The following CENPP variants were observed in gnomAD, a reference collection of about 807,000 sequenced individuals.
CENPP encodes the protein centromere protein P.
In CENPP, 24 loss-of-function variants were observed where a neutral mutation model predicts 35.6. That is an observed-to-expected ratio of 0.67 (90% CI 0.49 to 0.95). The LOEUF (loss-of-function observed/expected upper bound fraction) is 0.95. CENPP is among the 40% of genes least tolerant of loss of function. CENPP has a pLI of 0.00. For synonymous variants in CENPP, 120 were observed against 125.5 expected, an observed-to-expected ratio of 0.96 and a Z score of 0.29; for missense variants, 332 against 345.3, an observed-to-expected ratio of 0.96 and a Z score of 0.31.
chr9:92,503,705 G>A (rs1004845033), intron 5 of CENPP, among the ~76,000 whole-genome samples: 10 of 152,202 alleles, frequency 6.6e-5, no homozygotes, highest in Non-Finnish European at 1.2e-4. Flanking sequence ...TATTCCACCT[G>A]TGAGAATTTC....
chr9:92,544,554 T>A (rs1385603438), intron 5 of CENPP, among the ~76,000 whole-genome samples: 1 of 150,306 alleles, frequency 6.7e-6, no homozygotes, highest in Non-Finnish European at 1.5e-5. Context: ...TTTTTTTTTT[T>A]ATCATGAGAG....
chr9:92,442,222 A>T (rs1188742423), intron 5 of CENPP, among the ~76,000 whole-genome samples: 1 of 151,868 alleles, frequency 6.6e-6, no homozygotes, highest in Non-Finnish European at 1.5e-5. Flanking sequence ...ACATGGAGAA[A>T]CCCCGTCTCT....
chr9:92,567,377 T>TAG (rs1850007480), intron 5 of CENPP, among the ~76,000 whole-genome samples: 1 of 87,542 alleles, frequency 1.1e-5, no homozygotes, highest in Admixed American at 1.1e-4. Flanking sequence ...AAGATAGATA[T>TAG]ATATATATAT....
intron 5 of CENPP, among the ~76,000 whole-genome samples, chr9:92,589,942 T>C (rs1850629721): frequency 6.6e-6 from 1 of 152,190 alleles, no homozygotes; most frequent in Non-Finnish European, 1.5e-5. Context: ...AAATATTGTA[T>C]TCATCTGAAA....
At chr9:92,445,715 C>T (rs1443937368) in intron 5 of CENPP, among the ~76,000 whole-genome samples, 1 of 152,062 alleles carries the variant, frequency 6.6e-6, no homozygotes, top group East Asian at 1.9e-4. Flanking sequence ...AAAACCCTGT[C>T]TCTACTAAAA....
chr9:92,543,201 G>A (rs1257400708), intron 5 of CENPP, among the ~76,000 whole-genome samples: 2 of 152,092 alleles, frequency 1.3e-5, no homozygotes, highest in African/African-American at 2.4e-5. Context: ...TGCCAGCCTC[G>A]TGGCTCACAC....
At chr9:92,605,357 C>CT (rs1851047604) in intron 5 of CENPP, among the ~76,000 whole-genome samples, 1 of 149,428 alleles carries the variant, frequency 6.7e-6, no homozygotes, top group Admixed American at 7.0e-5. Context: ...CATTGAAATT[C>CT]ATTTTTTTTT....
intron 1 of CENPP, among the ~76,000 whole-genome samples, chr9:92,331,602 T>C (rs1840748900): frequency 6.6e-6 from 1 of 152,278 alleles, no homozygotes; most frequent in South Asian, 2.1e-4. Context: ...ATAATTTATT[T>C]GAAAGGTGTT....
Position 92,613,360 on chromosome 9 carries a change from A to C in CENPP, c.*211A>C. The C allele has an allele frequency of 1.9e-6, 1 of 525,694 alleles. No individual in the cohort carries two copies. Among genetic ancestry groups the C allele is most frequent in the Non-Finnish European group, 3.4e-6 (1 of 296,762 alleles). The allele number at this position is 525,694 out of a possible 1,614,324, so 32.6% of individuals were successfully genotyped here. A position where few individuals can be genotyped will look rare whatever the true frequency, so the allele number is the denominator to read the frequency against. On this transcript the variant is annotated 3_prime_UTR_variant, in exon 8 of 8. Coordinates refer to ENST00000375587, the MANE Select transcript of CENPP (RefSeq NM_001012267.3). ...ATGCCAAATAAAAGTGACACGTACA[A>C]TGTGGTTTATAAAAATAAGCTTAAC...
chr9:92,604,014 T>C (rs1271688795), intron 5 of CENPP, among the ~76,000 whole-genome samples: 1 of 152,232 alleles, frequency 6.6e-6, no homozygotes, highest in Non-Finnish European at 1.5e-5. Flanking sequence ...TTGGCGCTCT[T>C]ACTAATGATC....
intron 5 of CENPP, among the ~76,000 whole-genome samples, chr9:92,435,167 T>C (rs1255818961): frequency 1.3e-5 from 2 of 152,230 alleles, no homozygotes; most frequent in Non-Finnish European, 2.9e-5. Flanking sequence ...TGGTCATCTT[T>C]TTCAAGATTC....
At chr9:92,473,181 TG>T (rs1001319110) in intron 5 of CENPP, among the ~76,000 whole-genome samples, 2 of 152,192 alleles carry the variant, frequency 1.3e-5, no homozygotes, top group Non-Finnish European at 2.9e-5. Flanking sequence ...CTCAAGTCTT[TG>T]GTGACAAGTG....
rs1851397430 is a variant in CENPP at position 92,615,269 on chromosome 9, T to C, written c.*2120T>C. The stretch of plus-strand genomic sequence containing the variant: ...AGCACCTCCACAGGGACCCTGAGTC[T>C]ACACTGCTCAGAATCGGCATCTGCG... On this transcript the variant is annotated 3_prime_UTR_variant, in exon 8 of 8. Coordinates refer to ENST00000375587, the MANE Select transcript of CENPP (RefSeq NM_001012267.3). The C allele has an allele frequency of 6.3e-6, 1 of 158,318 alleles. No individual in the cohort carries two copies. Among genetic ancestry groups the C allele is most frequent in the Non-Finnish European group, 1.4e-5 (1 of 72,074 alleles). The allele number at this position is 158,318 out of a possible 1,614,324, so 9.8% of individuals were successfully genotyped here. A position where few individuals can be genotyped will look rare whatever the true frequency, so the allele number is the denominator to read the frequency against.
chr9:92,412,972 A>G (rs1197698599), intron 5 of CENPP, among the ~76,000 whole-genome samples: 2 of 136,942 alleles, frequency 1.5e-5, no homozygotes, highest in Non-Finnish European at 3.1e-5. Flanking sequence ...ATATGTAACT[A>G]AGCTTTTTTT....
intron 2 of CENPP, among the ~76,000 whole-genome samples, chr9:92,333,357 TGAAAG>T (rs1840816773): frequency 6.6e-6 from 1 of 152,146 alleles, no homozygotes; most frequent in Non-Finnish European, 1.5e-5. Context: ...TTAAATTACT[TGAAAG>T]GAAGAGATGG....
chr9:92,618,006 G>A lies in CENPP; in HGVS notation c.*4857G>A. 1 of 346,860 alleles carries A rather than the reference G, an allele frequency of 2.9e-6. No homozygotes were observed. Among genetic ancestry groups the A allele is most frequent in the South Asian group, 2.2e-5 (1 of 45,330 alleles). The allele number at this position is 346,860 out of a possible 1,614,324, so 21.5% of individuals were successfully genotyped here. A position where few individuals can be genotyped will look rare whatever the true frequency, so the allele number is the denominator to read the frequency against. ...GTCTAGGGATCTAAATTTAGTCTCA[G>A]GTCTACCAGGTATCTCAAGACGCCA... On this transcript the variant is annotated 3_prime_UTR_variant, in exon 8 of 8. Coordinates refer to ENST00000375587, the MANE Select transcript of CENPP (RefSeq NM_001012267.3).
intron 5 of CENPP, chr9:92,474,599 A>G: frequency 1.3e-6 from 2 of 1,591,188 alleles, no homozygotes; most frequent in Middle Eastern, 1.7e-4. Flanking sequence ...CTATTCTTCA[A>G]AACAAAATCG....
chr9:92,339,539 C>T (rs902340866), intron 3 of CENPP: 2 of 152,214 alleles, frequency 1.3e-5, no homozygotes, highest in African/African-American at 4.8e-5. Context: ...GAGTATCACT[C>T]TCACACTGCC....
At chr9:92,532,022 T>TTTG (rs1248500410) in intron 5 of CENPP, among the ~76,000 whole-genome samples, 2 of 127,956 alleles carry the variant, frequency 1.6e-5, no homozygotes, top group African/African-American at 7.2e-5. Flanking sequence ...AATGTTTTTT[T>TTTG]TTTTTTATTT....
Sources: allele counts gnomAD v4.1 joint callset (sites outside exome capture counted in the v4.1 genomes callset), GRCh38; gene constraint gnomAD v4.1.1; transcripts MANE v1.5; gene names NCBI Gene and HGNC (gene_info 2026-07-23, HGNC 2026-07-21).